The following CCSER1 variants were observed in gnomAD, a reference collection of about 807,000 sequenced individuals.
CCSER1 encodes the protein coiled-coil serine rich protein 1, also known as serine-rich coiled-coil domain-containing protein 1.
In CCSER1, 41 loss-of-function variants were observed where a neutral mutation model predicts 82.0. The ratio of observed to expected loss-of-function variants is 0.50; its 90% confidence interval spans 0.39 to 0.65. CCSER1 has a LOEUF of 0.65. Among genes scored for constraint, CCSER1 ranks in the 30% least tolerant of loss-of-function variants. The probability of loss-of-function intolerance (pLI) is 0.00; values close to 1 mark genes in which losing one functional copy is unlikely to be tolerated. For synonymous variants in CCSER1, 414 were observed against 383.9 expected (o/e 1.08, Z -0.92); for missense variants, 1,119 against 1,064.2 (o/e 1.05, Z -0.72).
chr4:90,219,410 A>G (rs1741710383), intron 1 of CCSER1, among the ~76,000 whole-genome samples: 1 of 152,170 alleles, frequency 6.6e-6, no homozygotes, highest in Non-Finnish European at 1.5e-5. Flanking sequence ...GTAAACAGGT[A>G]TGCCTGAAAT....
At chr4:91,150,145 T>C (rs1730010013) in intron 10 of CCSER1, among the ~76,000 whole-genome samples, 1 of 152,308 alleles carries the variant, frequency 6.6e-6, no homozygotes, top group Non-Finnish European at 1.5e-5. Context: ...TGTATCCTCT[T>C]TTATTTCGTT....
chr4:91,320,920 G>A (rs1746149968), intron 10 of CCSER1, among the ~76,000 whole-genome samples: 1 of 151,960 alleles, frequency 6.6e-6, no homozygotes, highest in Non-Finnish European at 1.5e-5. Flanking sequence ...GTGAATGATT[G>A]AATTGTTTAG....
chr4:90,355,611 G>A (rs1744248397), intron 3 of CCSER1, among the ~76,000 whole-genome samples: 1 of 151,886 alleles, frequency 6.6e-6, no homozygotes, highest in Non-Finnish European at 1.5e-5. Flanking sequence ...GCTGAGATAG[G>A]ATGCTCTGTG....
At chr4:90,709,129 T>C (rs1177850413) in intron 6 of CCSER1, among the ~76,000 whole-genome samples, 1 of 152,156 alleles carries the variant, frequency 6.6e-6, no homozygotes, top group Non-Finnish European at 1.5e-5. Context: ...TGGAAATTTA[T>C]TCATTCCATA....
intron 8 of CCSER1, among the ~76,000 whole-genome samples, chr4:90,873,556 T>C (rs1766830852): frequency 1.3e-5 from 2 of 152,124 alleles, no homozygotes; most frequent in African/African-American, 4.8e-5. Context: ...AGATCTGTAA[T>C]TGTAAACAAA....
At chr4:91,066,294 A>AAGCTAATT (rs1320255336) in intron 9 of CCSER1, among the ~76,000 whole-genome samples, 3 of 152,192 alleles carry the variant, frequency 2.0e-5, no homozygotes, top group Non-Finnish European at 2.9e-5. Flanking sequence ...TTCTCAGAAA[A>AAGCTAATT]AGCTAATTAT....
chr4:91,287,306 T>C (rs1470400848), intron 10 of CCSER1, among the ~76,000 whole-genome samples: 1 of 151,966 alleles, frequency 6.6e-6, no homozygotes, highest in Non-Finnish European at 1.5e-5. Context: ...CTGACTAGTT[T>C]TTGTACTGTG....
intron 9 of CCSER1, among the ~76,000 whole-genome samples, chr4:90,986,892 C>T (rs1030964612): frequency 6.6e-6 from 1 of 151,600 alleles, no homozygotes; most frequent in Admixed American, 6.6e-5. Flanking sequence ...AGTCAACTTG[C>T]TAAATAAGGG....
intron 4 of CCSER1, among the ~76,000 whole-genome samples, chr4:90,442,859 G>A (rs577231393): frequency 6.6e-6 from 1 of 152,294 alleles, no homozygotes; most frequent in African/African-American, 2.4e-5. Context: ...GACAGAGAGA[G>A]TGCCGGTCCT....
At chr4:91,043,583 C>CTTTTTTTTTTTTTTTTTTTTTTTTTTTT (rs11364315) in intron 9 of CCSER1, among the ~76,000 whole-genome samples, 1 of 71,566 alleles carries the variant, frequency 1.4e-5, no homozygotes, top group Admixed American at 1.8e-4. Context: ...CATCAGCCTT[C>CTTTTTTTTTTTTTTTTTTTTTTTTTTTT]TTTTTTTTTT....
chr4:91,593,467 C>CTTTTTTTTTTTTTTTTTTTTTTTT (rs753973015), intron 10 of CCSER1, among the ~76,000 whole-genome samples: 7 of 55,044 alleles, frequency 1.3e-4, no homozygotes, highest in Non-Finnish European at 2.0e-4. Flanking sequence ...CAACCCCGTG[C>CTTTTTTTTTTTTTTTTTTTTTTTT]TTTTTTTTTT....
intron 6 of CCSER1, among the ~76,000 whole-genome samples, chr4:90,707,535 A>AT (rs1560987190): frequency 2.8e-5 from 4 of 143,480 alleles, no homozygotes; most frequent in African/African-American, 8.1e-5. Context: ...ACCTTAAAAA[A>AT]AAAATATATA....
At chr4:91,027,469 C>G (rs967587192) in intron 9 of CCSER1, among the ~76,000 whole-genome samples, 2 of 151,784 alleles carry the variant, frequency 1.3e-5, no homozygotes, top group Non-Finnish European at 2.9e-5. Context: ...TCTTTGTGCT[C>G]TAGTTTTTCC....
intron 10 of CCSER1, among the ~76,000 whole-genome samples, chr4:91,192,969 A>G (rs1735125005): frequency 1.3e-5 from 2 of 152,098 alleles, no homozygotes; most frequent in African/African-American, 4.8e-5. Flanking sequence ...CACAGCCTTT[A>G]CATTTCCAAA....
At chr4:91,056,136 G>A (rs1253730233) in intron 9 of CCSER1, among the ~76,000 whole-genome samples, 1 of 151,976 alleles carries the variant, frequency 6.6e-6, no homozygotes, top group Admixed American at 6.6e-5. Context: ...GCATCTTTAA[G>A]GTAATAGTTT....
At chr4:91,297,387 G>GTGTATGTGTGTGTGTGTGTATGTGTA (rs1553921599) in intron 10 of CCSER1, among the ~76,000 whole-genome samples, 1 of 76,788 alleles carries the variant, frequency 1.3e-5, no homozygotes, top group Admixed American at 1.4e-4. Flanking sequence ...GTGTGTGTAT[G>GTGTATGTGTGTGTGTGTGTATGTGTA]TGTGTGTGTG....
chr4:90,318,624 G>A (rs1265388209), intron 3 of CCSER1, among the ~76,000 whole-genome samples: 1 of 152,158 alleles, frequency 6.6e-6, no homozygotes, highest in Non-Finnish European at 1.5e-5. Flanking sequence ...TTTTTGGTAT[G>A]TTGAACTGCA....
At chr4:90,599,247 G>C (rs910599350) in intron 5 of CCSER1, among the ~76,000 whole-genome samples, 2 of 152,152 alleles carry the variant, frequency 1.3e-5, no homozygotes, top group African/African-American at 4.8e-5. Flanking sequence ...GATAGACCTG[G>C]TGGGAGGTGA....
chr4:90,420,471 G>C (rs1756514805), intron 4 of CCSER1, among the ~76,000 whole-genome samples: 1 of 152,016 alleles, frequency 6.6e-6, no homozygotes, highest in South Asian at 2.1e-4. Context: ...GTAAGAAATT[G>C]ACTAGCTCCA....
Sources: allele counts gnomAD v4.1 joint callset (sites outside exome capture counted in the v4.1 genomes callset), GRCh38; gene constraint gnomAD v4.1.1; transcripts MANE v1.5; gene names NCBI Gene and HGNC (gene_info 2026-07-23, HGNC 2026-07-21).